Variants in AGAP6 observed in about 807,000 individuals in gnomAD.
AGAP6 encodes the protein ArfGAP with GTPase domain, ankyrin repeat and PH domain 6.
A neutral mutation model predicts 63.9 loss-of-function variants in AGAP6; 29 were observed. The observed-to-expected ratio is 0.45, with a 90% CI of 0.34 to 0.62. AGAP6 has a LOEUF of 0.62. Among genes scored for constraint, AGAP6 ranks in the 20% least tolerant of loss-of-function variants. The probability of loss-of-function intolerance (pLI) is 0.01; values close to 1 mark genes in which losing one functional copy is unlikely to be tolerated. For missense variants in AGAP6, 493 were observed against 884.9 expected, an observed-to-expected ratio of 0.56 and a Z score of 5.62; for synonymous variants, 199 against 332.9, an observed-to-expected ratio of 0.60 and a Z score of 4.38.
chr10:50,004,175 AACTCCACCC>A (rs1216297617), intron 5 of AGAP6, among the ~76,000 whole-genome samples: 2 of 150,850 alleles, frequency 1.3e-5, no homozygotes, highest in Non-Finnish European at 2.9e-5. Context: ...ACAAGAGCGA[AACTCCACCC>A]ACCCCACCCC....
In AGAP6 at chr10:49,988,738, G is replaced by A. The variant is rs781796496; in HGVS notation, c.23G>A (p.Arg8His). 49 of 1,592,004 alleles carry A rather than the reference G, an allele frequency of 3.1e-5. No homozygotes were observed. In the East Asian group the frequency reaches 7.1e-4, roughly 23 times the overall value. Reference sequence around the variant, plus strand: ...CCCATGGGGAACATACTGACCTGTCGTGTGCACCCTAGCGTCAGCCTCGAG... The same window carrying A: ...CCCATGGGGAACATACTGACCTGTCATGTGCACCCTAGCGTCAGCCTCGAG... MGNILTC[R>H]VHPSVSLEFD... Residue 8 changes from arginine (R) to histidine (H), a missense_variant, in exon 1 of 8, where the codon CGT (arginine) becomes CAT (histidine). By Grantham distance (29) the Arg-to-His change is conservative (BLOSUM62 0). This residue lies in a region of AGAP6 where 342 missense variants were observed against 533.4 expected (regional missense o/e 0.64). Coordinates refer to ENST00000412531, the MANE Select transcript of AGAP6 (RefSeq NM_001077665.3).
chr10:50,008,131 A>T, intron 7 of AGAP6, 55 bp downstream of exon 7: 6 of 1,611,714 alleles, frequency 3.7e-6, no homozygotes, highest in Non-Finnish European at 5.1e-6. Flanking sequence ...TATCTGTTTC[A>T]TGCTGAAGTC....
intron 2 of AGAP6, 82 bp downstream of exon 2, chr10:49,989,458 T>A: frequency 6.3e-7 from 1 of 1,584,498 alleles, no homozygotes; most frequent in Non-Finnish European, 8.5e-7. Context: ...CTTCCTTTTC[T>A]CAGTAAAAAC....
intron 4 of AGAP6, among the ~76,000 whole-genome samples, chr10:49,994,820 G>A (rs1475216239): frequency 6.6e-6 from 1 of 151,890 alleles, no homozygotes; most frequent in African/African-American, 2.4e-5. Flanking sequence ...AAAGTAGCCG[G>A]GCGTGGTGGT....
chr10:49,995,595 T>C lies in AGAP6; in HGVS notation c.396+1166T>C, dbSNP rs544497200. 3.2e-3 allele frequency among the ~76,000 whole-genome samples: 484 copies of C among 152,268 alleles called. 6 individuals carry two copies. Among genetic ancestry groups the C allele is most frequent in the African/African-American group, 0.011 (463 of 41,550 alleles). ...TCATCCTAGTTCAATATAGCGTGGG[T>C]TTCCCTAGATATGCTCGATGTCTGC... On this transcript the variant is annotated intron_variant, in intron 4 of 7. Coordinates refer to ENST00000412531, the MANE Select transcript of AGAP6 (RefSeq NM_001077665.3).
Position 50,007,908 on chromosome 10 carries a change from A to C in AGAP6, c.534-117A>C, listed in dbSNP as rs566482616. 230 of 1,587,450 alleles carry C rather than the reference A, an allele frequency of 1.4e-4. 1 individual carries two copies. In the East Asian group the frequency reaches 5.0e-3, roughly 35 times the overall value. On this transcript the variant is annotated intron_variant, in intron 6 of 7. Coordinates refer to ENST00000412531, the MANE Select transcript of AGAP6 (RefSeq NM_001077665.3). ...AAGTCAGGATCCAATAGAAGAATTC[A>C]TAAAAACTGCTTTGGTAAAGTAAAC...
intron 3 of AGAP6, among the ~76,000 whole-genome samples, chr10:49,992,842 A>G (rs1394874762): frequency 6.6e-5 from 10 of 151,680 alleles, no homozygotes; most frequent in African/African-American, 2.4e-4. Context: ...GCTCACTACA[A>G]CCTCCATCTC....
rs563040355 is a variant in AGAP6, at chr10:49,988,904, C to G, written c.189C>G (p.His63Gln). The G allele has an allele frequency of 3.1e-6, 5 of 1,599,796 alleles. No homozygotes were observed. The African/African-American group carries it at 4.1e-5, about 13-fold the overall frequency. Residue 63 changes from histidine to glutamine, a missense_variant, in exon 1 of 8, where the codon CAC (histidine) becomes CAG (glutamine). Physicochemically the swap from His to Gln is conservative, Grantham distance 24. This residue lies in a region of AGAP6 where 342 missense variants were observed against 533.4 expected (regional missense o/e 0.64). Coordinates refer to ENST00000412531, the MANE Select transcript of AGAP6 (RefSeq NM_001077665.3). ...EVTVEVGEDL[H>Q]MHHVRDREMP... ...CTGTTGAAGTTGGTGAGGACCTCCACATGCACCACGTTCGTGACCGGGAGA... is the reference window on the plus strand; with the variant it reads ...CTGTTGAAGTTGGTGAGGACCTCCAGATGCACCACGTTCGTGACCGGGAGA...
At chr10:50,006,068 C>T (rs1462507555) in intron 6 of AGAP6, among the ~76,000 whole-genome samples, 1 of 151,604 alleles carries the variant, frequency 6.6e-6, no homozygotes, top group Non-Finnish European at 1.5e-5. Flanking sequence ...AAATTAGTTA[C>T]GGTGGCATTT....
rs1554860360 is a variant in AGAP6, at chr10:49,989,359, G to A, written c.275G>A (p.Arg92Lys). The change falls in exon 2 of 8, where the codon AGG (arginine) becomes AAG (lysine). Residue 92 changes from arginine to lysine, a missense_variant. Arg to Lys is a conservative substitution (Grantham distance 26, BLOSUM62 2). Coordinates refer to ENST00000412531, the MANE Select transcript of AGAP6 (RefSeq NM_001077665.3). ...CCAGAGTCAAGCACAATATTCCAGA[G>A]GAACTCTCAAACAGAAGGTGAGACA... ...ANPESSTIFQ[R>K]NSQTEALEFN... The A allele has an allele frequency of 3.1e-6, 5 of 1,597,438 alleles. No individual in the cohort carries two copies. The highest frequency in any genetic ancestry group is 4.2e-6 in the Non-Finnish European group (5 of 1,179,758).
At chr10:49,997,010 C>T (rs1191954080) in intron 4 of AGAP6, among the ~76,000 whole-genome samples, 16 of 144,850 alleles carry the variant, frequency 1.1e-4, no homozygotes, top group African/African-American at 1.8e-4. Context: ...CGGAGGGAGA[C>T]GAAATAAATT....
In AGAP6 at chr10:49,991,940, A is replaced by T. The variant is rs561677389; in HGVS notation, c.361+196A>T. On this transcript the variant is annotated intron_variant, in intron 3 of 7. Transcript: ENST00000412531. ...GTGAAAACGTGTAACCTTTTTGTTTATACATTTTGCCATCTTTTTATCAAC... is the reference window on the plus strand; with the variant it reads ...GTGAAAACGTGTAACCTTTTTGTTTTTACATTTTGCCATCTTTTTATCAAC... Among the ~76,000 whole-genome samples, 7 of 152,170 alleles carry T rather than the reference A, an allele frequency of 4.6e-5. No homozygotes were observed. In the South Asian group the frequency reaches 8.3e-4, roughly 18 times the overall value.
chr10:49,996,314 T>G (rs1379914220), intron 4 of AGAP6, among the ~76,000 whole-genome samples: 1 of 152,158 alleles, frequency 6.6e-6, no homozygotes, highest in Non-Finnish European at 1.5e-5. Context: ...TGATCTCTTT[T>G]CTTGGAGGCT....
intron 4 of AGAP6, 39 bp from the exon 5 acceptor site, chr10:50,001,957 A>T (rs541131322): frequency 7.0e-5 from 112 of 1,607,574 alleles, no homozygotes; most frequent in Non-Finnish European, 8.8e-5. Flanking sequence ...AAAATAATAC[A>T]CTTTGATAAG....
chr10:50,007,890 G>C, intron 6 of AGAP6, 135 bp from the exon 7 acceptor site: 1 of 1,529,676 alleles, frequency 6.5e-7, no homozygotes, highest in Non-Finnish European at 8.9e-7. Context: ...TGCAAGTCAG[G>C]ATCCAATAGA....
At position 50,010,015 on chromosome 10, in the gene AGAP6, G is replaced by A. The variant is rs1842054653; in HGVS notation, c.1890G>A (p.Leu630=). Residue 630 remains leucine (L), a synonymous_variant, in exon 8 of 8, where the codon CTG becomes CTA. Coordinates refer to ENST00000412531, the MANE Select transcript of AGAP6 (RefSeq NM_001077665.3). ...GAGACGGCTGCACGGCGCTCCATCT[G>A]GCCTGCCGCAAGGGGAATGTGGTCC... The part of the protein sequence containing the change: ...GEGDGCTALH[L]ACRKGNVVLA... 5.6e-6 allele frequency: 9 copies of A among 1,611,432 alleles called. No homozygotes were observed. Among genetic ancestry groups the A allele is most frequent in the Non-Finnish European group, 7.6e-6 (9 of 1,179,784 alleles).
At chr10:50,001,646 CTTGACCTCGTG>C (rs1320950709) in intron 4 of AGAP6, among the ~76,000 whole-genome samples, 2 of 116,896 alleles carry the variant, frequency 1.7e-5, no homozygotes, top group African/African-American at 6.2e-5. Context: ...GTCTCGATCT[CTTGACCTCGTG>C]ATCCGCCCGC....
chr10:49,999,174 G>T (rs1373929888), intron 4 of AGAP6, among the ~76,000 whole-genome samples: 1 of 136,670 alleles, frequency 7.3e-6, no homozygotes, highest in Non-Finnish European at 1.5e-5. Flanking sequence ...GGAGGCAGAG[G>T]TTGCAGTGAG....
rs377692638 is a variant in AGAP6 at position 50,010,171 on chromosome 10, C to T, written c.2046C>T (p.Pro682=). Residue 682 remains proline (P), a synonymous_variant, in exon 8 of 8, where the codon CCC becomes CCT. Transcript: ENST00000412531. The stretch of plus-strand genomic sequence containing the variant: ...ACGTGCTTCTGCAGTACGGCTGCCC[C>T]GACGAGTGTGTGTAGTATCTGTTTT... ...CINVLLQYGC[P]DECV is the part of the protein sequence containing the mutation. 681 of 1,605,462 alleles carry T rather than the reference C, an allele frequency of 4.2e-4. 12 individuals carry two copies. The East Asian group carries it at 8.9e-3, about 21-fold the overall frequency.
Sources: allele counts gnomAD v4.1 joint callset (sites outside exome capture counted in the v4.1 genomes callset), GRCh38; gene constraint gnomAD v4.1.1; regional missense constraint gnomAD v4.1.1; transcripts MANE v1.5; gene names NCBI Gene and HGNC (gene_info 2026-07-23, HGNC 2026-07-21).